Variants in TMED7 observed in about 807,000 individuals in gnomAD.
TMED7 encodes the protein transmembrane emp24 domain-containing protein 7.
In TMED7, 8 loss-of-function variants were observed where a neutral mutation model predicts 23.4. The observed-to-expected ratio is 0.34, with a 90% CI of 0.20 to 0.62. The LOEUF is 0.62. Ranked by LOEUF, TMED7 falls within the 20% of genes least tolerant of loss-of-function variation. The probability of loss-of-function intolerance (pLI) is 0.77; values close to 1 mark genes in which losing one functional copy is unlikely to be tolerated. For missense variants in TMED7, 232 were observed against 279.1 expected (o/e 0.83, Z 1.20); for synonymous variants, 121 against 108.5 (o/e 1.12, Z -0.72).
chr5:115,624,897 G>A (rs943718353), intron 1 of TMED7, among the ~76,000 whole-genome samples: 2 of 152,240 alleles, frequency 1.3e-5, no homozygotes, highest in African/African-American at 4.8e-5. Context: ...AATCATGAAT[G>A]ATGGCAGTGA....
intron 1 of TMED7, among the ~76,000 whole-genome samples, chr5:115,621,468 G>T (rs1561590847): frequency 6.6e-6 from 1 of 152,026 alleles, no homozygotes; most frequent in Non-Finnish European, 1.5e-5. Flanking sequence ...ATAACATGAA[G>T]GACAACAAGT....
At chr5:115,624,143 C>A (rs1363051664) in intron 1 of TMED7, among the ~76,000 whole-genome samples, 1 of 152,152 alleles carries the variant, frequency 6.6e-6, no homozygotes, top group Non-Finnish European at 1.5e-5. Context: ...AGTCTGCATA[C>A]ACAAAAATCC....
Position 115,620,454 on chromosome 5 carries a change from C to A in TMED7, c.419G>T (p.Arg140Leu). The change falls in exon 2 of 3, where the codon CGA (arginine) becomes CTA (leucine). Residue 140 changes from arginine to leucine, a missense_variant. Around this residue, in one of 2 missense-constraint regions of TMED7, gnomAD observed 126 missense variants for 182.1 expected, o/e 0.69. Transcript: ENST00000456936. ...EDPPLFPSEN[R>L]VSALTQMESA... ...ATTTACCTGGGTAAGAGCACTGACT[C>A]GGTTCTCACTAGGAAACAAAGGTGG... 6.5e-7 allele frequency: 1 copy of A among 1,543,810 alleles called. No homozygotes were observed. Among genetic ancestry groups the A allele is most frequent in the Non-Finnish European group, 8.7e-7 (1 of 1,147,628 alleles).
At chr5:115,620,211 G>A (rs1454707543) in intron 2 of TMED7, 9 of 499,356 alleles carry the variant, frequency 1.8e-5, no homozygotes, top group Non-Finnish European at 2.4e-5. Context: ...TTATTTTAAT[G>A]CTTCTTTCTC....
At position 115,616,256 on chromosome 5, in the gene TMED7, T is replaced by G. The variant is rs1756737720; in HGVS notation, c.628A>C (p.Ser210Arg). Residue 210 changes from serine (S) to arginine (R), a missense_variant, in exon 3 of 3, where the codon AGC becomes CGC. Around this residue, in one of 2 missense-constraint regions of TMED7, gnomAD observed 126 missense variants for 182.1 expected, o/e 0.69. Coordinates refer to ENST00000456936, the MANE Select transcript of TMED7 (RefSeq NM_181836.6). ...VSIGQVFLLK[S>R]FFSDKRTTTT... The stretch of plus-strand genomic sequence containing the variant: ...GTGGTTCTTTTATCTGAGAAAAAGC[T>G]TTTCAAAAGAAATACCTGCCCTATG... 6.2e-7 allele frequency: 1 copy of G among 1,614,034 alleles called. No homozygotes were observed. Among genetic ancestry groups the G allele is most frequent in the Non-Finnish European group, 8.5e-7 (1 of 1,180,014 alleles).
chr5:115,616,788 C>A (rs1173857668), intron 2 of TMED7, among the ~76,000 whole-genome samples: 2 of 152,070 alleles, frequency 1.3e-5, no homozygotes, highest in African/African-American at 4.8e-5. Flanking sequence ...AGCCCAAGTT[C>A]TTTAAAGAAG....
chr5:115,625,837 G>T lies in TMED7; in HGVS notation c.-45C>A. 7.3e-7 allele frequency: 1 copy of T among 1,374,806 alleles called. No homozygotes were observed. Among genetic ancestry groups the T allele is most frequent in the Non-Finnish European group, 9.3e-7 (1 of 1,072,190 alleles). The allele number at this position is 1,374,806 out of a possible 1,614,324, so 85.2% of individuals were successfully genotyped here. A position where few individuals can be genotyped will look rare whatever the true frequency, so the allele number is the denominator to read the frequency against. On this transcript the variant is annotated 5_prime_UTR_variant, in exon 1 of 3. Transcript: ENST00000456936. ...CCTCAACCGAGCTGCGAGACGCAGG[G>T]TCAGGTCTGCGCGGACTCACCGCGC...
chr5:115,616,383 A>G lies in TMED7; in HGVS notation c.501T>C (p.His167=), dbSNP rs1308011129. ...GGCCTTGAGCTTCTCTTAAACGGAA[A>G]TGAGTCTGATAATCGATGACAGACT... ...ALKSVIDYQT[H]FRLREAQGRS... Residue 167 remains histidine (H), a synonymous_variant, in exon 3 of 3, where the codon CAT becomes CAC. Transcript: ENST00000456936. 6.2e-7 allele frequency: 1 copy of G among 1,614,198 alleles called. No homozygotes were observed. The highest frequency in any genetic ancestry group is 8.5e-7 in the Non-Finnish European group (1 of 1,180,018).
At chr5:115,624,239 G>T (rs1757128175) in intron 1 of TMED7, among the ~76,000 whole-genome samples, 1 of 152,016 alleles carries the variant, frequency 6.6e-6, no homozygotes, top group African/African-American at 2.4e-5. Context: ...CTGTCCCCTG[G>T]TGCTAATCCA....
intron 2 of TMED7, among the ~76,000 whole-genome samples, chr5:115,617,493 T>C (rs1014492430): frequency 3.3e-5 from 5 of 152,114 alleles, no homozygotes; most frequent in Non-Finnish European, 7.3e-5. Context: ...TCAAATATTT[T>C]TGTTGTCCTT....
intron 1 of TMED7, 73 bp downstream of exon 1, chr5:115,625,528 T>C: frequency 7.2e-7 from 1 of 1,388,156 alleles, no homozygotes; most frequent in Non-Finnish European, 9.4e-7. Context: ...GACAGGAAAG[T>C]GCCATCCCTC....
At chr5:115,624,987 C>T (rs1757152480) in intron 1 of TMED7, among the ~76,000 whole-genome samples, 1 of 152,212 alleles carries the variant, frequency 6.6e-6, no homozygotes, top group Non-Finnish European at 1.5e-5. Context: ...GCCTACCAAC[C>T]AAAATTGAAG....
chr5:115,617,224 C>G (rs565703353), intron 2 of TMED7, among the ~76,000 whole-genome samples: 1 of 152,056 alleles, frequency 6.6e-6, no homozygotes, highest in Non-Finnish European at 1.5e-5. Flanking sequence ...TATTTTTCTA[C>G]TGCTGCAAAC....
chr5:115,622,144 A>T (rs1278460380), intron 1 of TMED7, among the ~76,000 whole-genome samples: 1 of 152,200 alleles, frequency 6.6e-6, no homozygotes, highest in African/African-American at 2.4e-5. Flanking sequence ...TGCTATACTG[A>T]ATTATACGTA....
At chr5:115,617,157 A>T (rs546955409) in intron 2 of TMED7, among the ~76,000 whole-genome samples, 2 of 152,316 alleles carry the variant, frequency 1.3e-5, no homozygotes, top group African/African-American at 2.4e-5. Flanking sequence ...TACATTTATT[A>T]TACCATCTGT....
chr5:115,625,888 C>A lies in TMED7; in HGVS notation c.-96G>T, dbSNP rs1254521392. ...GCGGCAGGCCTCAGCGCAGGCCACC[C>A]CGCAAAGATACACAGCAGAGCAGGT... On this transcript the variant is annotated 5_prime_UTR_variant, in exon 1 of 3. Coordinates refer to ENST00000456936, the MANE Select transcript of TMED7 (RefSeq NM_181836.6). 6 of 1,312,240 alleles carry A rather than the reference C, an allele frequency of 4.6e-6. No homozygotes were observed. The highest frequency in any genetic ancestry group is 4.8e-6 in the Non-Finnish European group (5 of 1,035,696). 81.3% of individuals were successfully genotyped at this position (1,312,240 alleles called of 1,614,324 possible).
Position 115,616,212 on chromosome 5 carries a change from T to A in TMED7, c.672A>T (p.Ser224=). Residue 224 remains serine (S), a synonymous_variant, in exon 3 of 3, where the codon TCA becomes TCT. Transcript: ENST00000456936. ...TGCATCAATTCTCAAAACGTAGTTATGATCCAACACGAGTTGTGGTGGTTC... is the reference window on the plus strand; with the variant it reads ...TGCATCAATTCTCAAAACGTAGTTAAGATCCAACACGAGTTGTGGTGGTTC... ...DKRTTTTRVG[S] The A allele has an allele frequency of 6.2e-7, 1 of 1,613,614 alleles. No homozygotes were observed. Among genetic ancestry groups the A allele is most frequent in the African/African-American group, 1.3e-5 (1 of 75,036 alleles).
At chr5:115,618,662 C>T (rs1194536556) in intron 2 of TMED7, among the ~76,000 whole-genome samples, 1 of 152,070 alleles carries the variant, frequency 6.6e-6, no homozygotes, top group Admixed American at 6.6e-5. Context: ...TGGGTGGGAA[C>T]GTCTAGTAGT....
rs111743959 is a variant in TMED7, at chr5:115,617,938, T to C, written c.439-1493A>G. ...CCTCCTGAGTAGCTGGGATTACAGG[T>C]GCACTCCACCACATCCAGCTAATTT... is the stretch of plus-strand genomic sequence containing the variant. On this transcript the variant is annotated intron_variant, in intron 2 of 2. Coordinates refer to ENST00000456936, the MANE Select transcript of TMED7 (RefSeq NM_181836.6). Among the ~76,000 whole-genome samples the C allele has an allele frequency of 8.9e-3, 1,351 of 152,238 alleles. 15 individuals carry two copies. The highest frequency in any genetic ancestry group is 0.031 in the African/African-American group (1,287 of 41,546).
Sources: allele counts gnomAD v4.1 joint callset (sites outside exome capture counted in the v4.1 genomes callset), GRCh38; gene constraint gnomAD v4.1.1; regional missense constraint gnomAD v4.1.1; transcripts MANE v1.5; gene names NCBI Gene and HGNC (gene_info 2026-07-23, HGNC 2026-07-21).